The following PSMD12 variants were observed in gnomAD, a reference collection of about 807,000 sequenced individuals.
PSMD12 encodes the protein 26S proteasome non-ATPase regulatory subunit 12.
In PSMD12, 8 loss-of-function variants were observed where a neutral mutation model predicts 62.9. The ratio of observed to expected loss-of-function variants is 0.13; its 90% CI spans 0.07 to 0.23. PSMD12 has a LOEUF of 0.23. Ranked by LOEUF, PSMD12 falls within the 10% of genes least tolerant of loss-of-function variation. The pLI, the probability that PSMD12 is intolerant of heterozygous loss-of-function variation, is 1.00. For missense variants in PSMD12, 424 were observed against 550.2 expected, an observed-to-expected ratio of 0.77 and a Z score of 2.29; for synonymous variants, 173 against 187.4, an observed-to-expected ratio of 0.92 and a Z score of 0.63.
intron 1 of PSMD12, among the ~76,000 whole-genome samples, chr17:67,358,080 C>G (rs189039281): frequency 6.6e-6 from 1 of 152,086 alleles, no homozygotes; most frequent in Non-Finnish European, 1.5e-5. Context: ...CCCCACCACA[C>G]CCGGCTAATT....
intron 1 of PSMD12, among the ~76,000 whole-genome samples, chr17:67,360,506 T>A (rs1343571312): frequency 6.6e-6 from 1 of 152,240 alleles, no homozygotes; most frequent in East Asian, 1.9e-4. Flanking sequence ...ATTTTGGTGT[T>A]TACTGTCTTT....
intron 9 of PSMD12, among the ~76,000 whole-genome samples, chr17:67,343,476 GCTGCC>G (rs977907328): frequency 5.3e-5 from 8 of 152,020 alleles, no homozygotes; most frequent in African/African-American, 1.9e-4. Context: ...TGGTGCGCAG[GCTGCC>G]CTCCCTTGTT....
chr17:67,364,903 G>C (rs1216837364), intron 1 of PSMD12, among the ~76,000 whole-genome samples: 1 of 152,130 alleles, frequency 6.6e-6, no homozygotes, highest in Non-Finnish European at 1.5e-5. Context: ...CAGGTTTTTG[G>C]CCAGCCGCGG....
At chr17:67,350,480 A>C in intron 3 of PSMD12, 144 bp from the exon 4 acceptor site, 1 of 524,000 alleles carries the variant, frequency 1.9e-6, no homozygotes, top group Non-Finnish European at 3.3e-6. Context: ...ATCACATCGA[A>C]ATCTCACTGA....
In PSMD12 at chr17:67,366,392, G is replaced by A; in HGVS notation, c.108+20C>T. On this transcript the variant is annotated intron_variant, in intron 1 of 10. Coordinates refer to ENST00000356126, the MANE Select transcript of PSMD12 (RefSeq NM_002816.5). ...ACTCAGCCCCTGGCGCCCGCCAACA[G>A]CCAGCCGGCCTCTCCTCACCTTGGC... 6.2e-7 allele frequency: 1 copy of A among 1,600,802 alleles called. No homozygotes were observed. The highest frequency in any genetic ancestry group is 8.5e-7 in the Non-Finnish European group (1 of 1,172,024).
intron 9 of PSMD12, among the ~76,000 whole-genome samples, chr17:67,343,352 C>T (rs1209065167): frequency 6.6e-6 from 1 of 152,172 alleles, no homozygotes; most frequent in Admixed American, 6.6e-5. Context: ...TCCAAGCAGT[C>T]TTTAATCCGT....
At chr17:67,358,395 T>C (rs77604694) in intron 1 of PSMD12, among the ~76,000 whole-genome samples, 1 of 151,632 alleles carries the variant, frequency 6.6e-6, no homozygotes. Flanking sequence ...TGGCGAAACC[T>C]GTCTCTACAA....
intron 1 of PSMD12, 89 bp downstream of exon 1, chr17:67,366,323 C>G: frequency 7.8e-7 from 1 of 1,289,446 alleles, no homozygotes; most frequent in Non-Finnish European, 1.1e-6. Flanking sequence ...GGTGCACGCT[C>G]CAGCCCGCAG....
chr17:67,359,685 C>T (rs996288960), intron 1 of PSMD12, among the ~76,000 whole-genome samples: 3 of 152,042 alleles, frequency 2.0e-5, no homozygotes, highest in African/African-American at 4.8e-5. Flanking sequence ...CTGCATGGCC[C>T]GTCTGAACTT....
In PSMD12 at chr17:67,338,948, G is replaced by A. The variant is rs1361147684; in HGVS notation, c.*1895C>T. ...CAGGTTTGACAAGCCCACAGGTAAT[G>A]AGTCTCTAGAAAGATGAAGTTATTG... On this transcript the variant is annotated 3_prime_UTR_variant, in exon 11 of 11. Transcript: ENST00000356126. 6.6e-6 allele frequency: 1 copy of A among 152,182 alleles called. No individual in the cohort carries two copies. The highest frequency in any genetic ancestry group is 1.5e-5 in the Non-Finnish European group (1 of 68,032). 9.4% of individuals were successfully genotyped at this position (152,182 alleles called of 1,614,324 possible).
intron 4 of PSMD12, among the ~76,000 whole-genome samples, chr17:67,349,380 C>T (rs770443172): frequency 1.6e-4 from 24 of 152,288 alleles, no homozygotes; most frequent in Non-Finnish European, 3.1e-4. Flanking sequence ...GCACTTTATC[C>T]GCCATGTACA....
At chr17:67,344,343 C>T (rs1264886636) in intron 9 of PSMD12, among the ~76,000 whole-genome samples, 1 of 151,812 alleles carries the variant, frequency 6.6e-6, no homozygotes, top group Non-Finnish European at 1.5e-5. Context: ...GGGAAAAAAC[C>T]CAAGATGAGT....
At chr17:67,361,913 A>AGGAAGGAAG (rs2042133422) in intron 1 of PSMD12, among the ~76,000 whole-genome samples, 1 of 121,564 alleles carries the variant, frequency 8.2e-6, no homozygotes, top group Non-Finnish European at 1.7e-5. Flanking sequence ...AAAAAAAGGA[A>AGGAAGGAAG]GGAAGGAAGG....
chr17:67,365,734 T>C (rs538866177), intron 1 of PSMD12, among the ~76,000 whole-genome samples: 7 of 152,304 alleles, frequency 4.6e-5, no homozygotes, highest in African/African-American at 1.7e-4. Flanking sequence ...TCTTCAGTAA[T>C]GACTCCACCC....
At chr17:67,342,961 A>T (rs971779931) in intron 9 of PSMD12, among the ~76,000 whole-genome samples, 2 of 151,840 alleles carry the variant, frequency 1.3e-5, no homozygotes, top group African/African-American at 4.8e-5. Context: ...AAAAAAGATT[A>T]GACATCATTT....
chr17:67,343,389 G>C (rs1467255432), intron 9 of PSMD12, among the ~76,000 whole-genome samples: 2 of 152,042 alleles, frequency 1.3e-5, no homozygotes, highest in Non-Finnish European at 2.9e-5. Context: ...TAAAATCCAT[G>C]TATCTCTCAC....
Position 67,353,366 on chromosome 17 carries a change from GT to G in PSMD12, c.298-3031del, listed in dbSNP as rs1228061548. 1.0e-4 allele frequency among the ~76,000 whole-genome samples: 15 copies of G among 150,332 alleles called. No individual in the cohort carries two copies. The East Asian group carries it at 1.8e-3, about 18-fold the overall frequency. ...GTCTCACTCTGTCGCCCAGGCTAGAGTGCGATCTTGGCTCACTGCAGCTTCC... is the reference window on the plus strand; with the variant it reads ...GTCTCACTCTGTCGCCCAGGCTAGAGGCGATCTTGGCTCACTGCAGCTTCC... On this transcript the variant is annotated intron_variant, in intron 3 of 10. Coordinates refer to ENST00000356126, the MANE Select transcript of PSMD12 (RefSeq NM_002816.5).
intron 3 of PSMD12, chr17:67,355,481 A>C (rs2042059995): frequency 6.6e-6 from 1 of 152,148 alleles, no homozygotes; most frequent in African/African-American, 2.4e-5. Context: ...AAATAATTTA[A>C]CCCACTTTAA....
Position 67,339,818 on chromosome 17 carries a change from C to G in PSMD12, c.*1025G>C, listed in dbSNP as rs1241293193. On this transcript the variant is annotated 3_prime_UTR_variant, in exon 11 of 11. Coordinates refer to ENST00000356126, the MANE Select transcript of PSMD12 (RefSeq NM_002816.5). ...CAATTCATCTCAGGTGTTTCTTTGA[C>G]AGCAAGCTACTTTTAATTCCGTGAA... 1 of 151,998 alleles carries G rather than the reference C, an allele frequency of 6.6e-6. No individual in the cohort carries two copies. Among genetic ancestry groups the G allele is most frequent in the Non-Finnish European group, 1.5e-5 (1 of 68,002 alleles). 9.4% of individuals were successfully genotyped at this position (151,998 alleles called of 1,614,324 possible).
Sources: gnomAD v4.1 joint callset for allele counts (sites outside exome capture counted in the v4.1 genomes callset) on GRCh38, gnomAD v4.1.1 for gene constraint, MANE v1.5 for transcripts, NCBI Gene and HGNC (gene_info 2026-07-23, HGNC 2026-07-21) for gene names.